The following NASP variants were observed in gnomAD, a reference collection of about 807,000 sequenced individuals.
The protein encoded by NASP is nuclear autoantigenic sperm protein.
A neutral mutation model predicts 89.5 loss-of-function variants in NASP; 24 were observed. That is an observed-to-expected ratio of 0.27 (90% CI 0.19 to 0.38). The LOEUF (loss-of-function observed/expected upper bound fraction) is 0.38, where lower values mean the gene tolerates loss of function less well. NASP is among the 10% of genes least tolerant of loss of function. The pLI, the probability that NASP is intolerant of heterozygous loss-of-function variation, is 1.00. For missense variants in NASP, 848 were observed against 921.4 expected, an observed-to-expected ratio of 0.92 and a Z score of 1.03; for synonymous variants, 306 against 324.7, an observed-to-expected ratio of 0.94 and a Z score of 0.62.
chr1:45,595,437 G>A (rs1643671278), intron 2 of NASP, among the ~76,000 whole-genome samples: 1 of 152,090 alleles, frequency 6.6e-6, no homozygotes, highest in Non-Finnish European at 1.5e-5. Context: ...TAAACAATAT[G>A]AAGAGAAATT....
intron 1 of NASP, among the ~76,000 whole-genome samples, chr1:45,586,284 G>GTGTGTGGT (rs1202771599): frequency 6.0e-5 from 6 of 100,528 alleles, no homozygotes; most frequent in South Asian, 6.5e-4. Context: ...GTGTGTGTGT[G>GTGTGTGGT]GTGTGTGTGT....
At chr1:45,603,605 A>ATTTTTTT (rs10646791) in intron 3 of NASP, among the ~76,000 whole-genome samples, 2 of 119,030 alleles carry the variant, frequency 1.7e-5, no homozygotes, top group African/African-American at 3.3e-5. Flanking sequence ...GTATTTAGAG[A>ATTTTTTT]TTTTTTTTTT....
intron 1 of NASP, among the ~76,000 whole-genome samples, chr1:45,586,304 TGTGTG>T (rs1557646746): frequency 1.0e-4 from 14 of 138,578 alleles, no homozygotes; most frequent in African/African-American, 3.1e-4. Context: ...TGTGTGTGTG[TGTGTG>T]GTGTGTGTGT....
intron 1 of NASP, among the ~76,000 whole-genome samples, chr1:45,589,237 C>T (rs1416251292): frequency 6.6e-6 from 1 of 152,118 alleles, no homozygotes; most frequent in Non-Finnish European, 1.5e-5. Context: ...AAGCAATCTT[C>T]CCATATCAGT....
At position 45,608,303 on chromosome 1, in the gene NASP, A is replaced by C; in HGVS notation, c.1392A>C (p.Thr464=). The change falls in exon 6 of 15, where the codon ACA becomes ACC. Residue 464 remains threonine (T), a synonymous_variant. Coordinates refer to ENST00000350030, the MANE Select transcript of NASP (RefSeq NM_002482.4). The stretch of plus-strand genomic sequence containing the variant: ...TTCAGATAGCTGCTAATGAAGAGAC[A>C]CAAGAGAGAGAAGAACAGATGAAAG... ...DKVQIAANEE[T]QEREEQMKEG... The C allele has an allele frequency of 6.2e-7, 1 of 1,612,452 alleles. No homozygotes were observed. The highest frequency in any genetic ancestry group is 1.3e-5 in the African/African-American group (1 of 75,052).
intron 2 of NASP, among the ~76,000 whole-genome samples, chr1:45,596,078 T>G (rs1643687892): frequency 6.6e-6 from 1 of 152,232 alleles, no homozygotes; most frequent in Non-Finnish European, 1.5e-5. Flanking sequence ...CCTGTCACTT[T>G]AAGGGAAATA....
chr1:45,616,718 G>GGT lies in NASP; in HGVS notation c.2157+18_2157+19dup. On this transcript the variant is annotated intron_variant, in intron 13 of 14. Transcript: ENST00000350030. ...TCAGAAAGAAGGTAAGTCTACATGT[G>GGT]GTGTTTCTTTTCTACCGTTTCCTCA... is the stretch of plus-strand genomic sequence containing the variant. 1 of 1,605,884 alleles carries GGT rather than the reference G, an allele frequency of 6.2e-7. No individual in the cohort carries two copies. Among genetic ancestry groups the GGT allele is most frequent in the Non-Finnish European group, 8.5e-7 (1 of 1,172,548 alleles).
intron 1 of NASP, among the ~76,000 whole-genome samples, chr1:45,587,661 CATATATATAT>C (rs1553169239): frequency 3.1e-4 from 2 of 6,394 alleles, no homozygotes; most frequent in African/African-American, 1.4e-3. Context: ...TGAGTTTTTT[CATATATATAT>C]ATATATATAT....
chr1:45,602,565 T>C (rs1643866642), intron 3 of NASP, among the ~76,000 whole-genome samples, 200 bp downstream of exon 3: 1 of 152,230 alleles, frequency 6.6e-6, no homozygotes, highest in Admixed American at 6.5e-5. Context: ...TTCCTGAGTA[T>C]GTAATTTGTA....
chr1:45,603,605 A>ATTTTT (rs10646791), intron 3 of NASP, among the ~76,000 whole-genome samples: 19 of 119,022 alleles, frequency 1.6e-4, no homozygotes, highest in African/African-American at 2.9e-4. Flanking sequence ...GTATTTAGAG[A>ATTTTT]TTTTTTTTTT....
intron 6 of NASP, chr1:45,608,538 G>A (rs1012497604): frequency 3.0e-5 from 18 of 605,520 alleles, no homozygotes; most frequent in African/African-American, 3.0e-4. Flanking sequence ...TCTTTAGCTG[G>A]CTTATAAACT....
Position 45,618,480 on chromosome 1 carries a change from A to G in NASP, c.*339A>G, listed in dbSNP as rs1644147900. 2 of 189,024 alleles carry G rather than the reference A, an allele frequency of 1.1e-5. No individual in the cohort carries two copies. Among genetic ancestry groups the G allele is most frequent in the Non-Finnish European group, 2.2e-5 (2 of 88,982 alleles). The allele number at this position is 189,024 out of a possible 1,614,324, so 11.7% of individuals were successfully genotyped here. A position where few individuals can be genotyped will look rare whatever the true frequency, so the allele number is the denominator to read the frequency against. On this transcript the variant is annotated 3_prime_UTR_variant, in exon 15 of 15. Transcript: ENST00000350030. ...CTTCACTGAACCCAGCTGTCTTGCA[A>G]ACTTTCAGTGGTGCTGTCCCTGGAT...
intron 1 of NASP, among the ~76,000 whole-genome samples, 159 bp downstream of exon 1, chr1:45,584,364 C>G (rs542908098): frequency 2.6e-5 from 4 of 152,274 alleles, no homozygotes; most frequent in Middle Eastern, 3.4e-3. Context: ...AGCAGTCCTT[C>G]TTTTGCTGAG....
chr1:45,604,097 G>A (rs1643882659), intron 3 of NASP, among the ~76,000 whole-genome samples: 1 of 152,058 alleles, frequency 6.6e-6, no homozygotes, highest in South Asian at 2.1e-4. Flanking sequence ...TTCTAATCTA[G>A]TAGACTACCC....
rs150966210 is a variant in NASP, at chr1:45,601,591, C to G, written c.108-664C>G. On this transcript the variant is annotated intron_variant, in intron 2 of 14. Coordinates refer to ENST00000350030, the MANE Select transcript of NASP (RefSeq NM_002482.4). ...AATCACTGCCTCTTGCCCTGTTTACCTAAATGCTTCTTAATTTTAATATTT... is the reference window on the plus strand; with the variant it reads ...AATCACTGCCTCTTGCCCTGTTTACGTAAATGCTTCTTAATTTTAATATTT... Among the ~76,000 whole-genome samples, 138 of 152,040 alleles carry G rather than the reference C, an allele frequency of 9.1e-4. 2 individuals carry two copies. In the East Asian group the frequency reaches 0.025, roughly 27 times the overall value.
Position 45,604,994 on chromosome 1 carries a change from A to G in NASP, c.277A>G (p.Lys93Glu). The G allele has an allele frequency of 6.2e-7, 1 of 1,612,728 alleles. No individual in the cohort carries two copies. The highest frequency in any genetic ancestry group is 8.5e-7 in the Non-Finnish European group (1 of 1,178,878). Residue 93 changes from lysine to glutamate, a missense_variant, in exon 4 of 15, where the codon AAA becomes GAA. Around this residue, in one of 5 missense-constraint regions of NASP, gnomAD observed 17 missense variants for 38.6 expected, o/e 0.44. Coordinates refer to ENST00000350030, the MANE Select transcript of NASP (RefSeq NM_002482.4). ...TGGAGAAGCCTTCTTTTTCTATGGG[A>G]AATCACTTCTGGAGTTGGCAAGGTA... ...ECGEAFFFYGKSLLELARMEN... is the reference protein window; with the variant it reads ...ECGEAFFFYGESLLELARMEN...
chr1:45,595,191 T>TC, intron 2 of NASP, among the ~76,000 whole-genome samples: 1 of 130,852 alleles, frequency 7.6e-6, no homozygotes, highest in East Asian at 2.5e-4. Context: ...GTGTGTGTTT[T>TC]AGAGACAGGG....
chr1:45,606,752 C>T (rs1352475455), intron 5 of NASP, 161 bp downstream of exon 5: 2 of 471,676 alleles, frequency 4.2e-6, no homozygotes, highest in Non-Finnish European at 7.5e-6. Flanking sequence ...TAGCTGTTTA[C>T]TGAAGCTGAC....
At chr1:45,607,258 C>T in intron 5 of NASP, 63 bp from the exon 6 acceptor site, 1 of 1,520,228 alleles carries the variant, frequency 6.6e-7, no homozygotes, top group Admixed American at 1.9e-5. Flanking sequence ...TTTTAGTTTC[C>T]ATTTATGCCT....
Sources: gnomAD v4.1 joint callset for allele counts (sites outside exome capture counted in the v4.1 genomes callset) on GRCh38, gnomAD v4.1.1 for gene constraint, gnomAD v4.1.1 regional missense constraint, MANE v1.5 for transcripts, NCBI Gene and HGNC (gene_info 2026-07-23, HGNC 2026-07-21) for gene names.